Variants in PRDM5 observed in about 807,000 individuals in gnomAD.
PRDM5 encodes PR domain zinc finger protein 5.
In PRDM5, 56 loss-of-function variants were observed where a neutral mutation model predicts 81.2. The ratio of observed to expected loss-of-function variants is 0.69; its 90% CI spans 0.56 to 0.86. PRDM5 has a LOEUF of 0.86. Among genes scored for constraint, PRDM5 ranks in the 40% least tolerant of loss-of-function variants. The probability of loss-of-function intolerance (pLI) is 0.00; values close to 1 mark genes in which losing one functional copy is unlikely to be tolerated. For missense variants in PRDM5, 697 were observed against 770.1 expected (o/e 0.91, Z 1.12); for synonymous variants, 267 against 256.4 (o/e 1.04, Z -0.39).
In PRDM5 at chr4:120,807,713, T is replaced by G. The variant is rs190301158; in HGVS notation, c.945+3657A>C. ...AGGCGGTGTGTCCGGAGTTTGTTCC[T>G]TCTGAGGTTCGGATGTGTTTGGAGT... On this transcript the variant is annotated intron_variant, in intron 8 of 15. Transcript: ENST00000264808. Among the ~76,000 whole-genome samples, 97 of 152,260 alleles carry G rather than the reference T, an allele frequency of 6.4e-4. 1 individual carries two copies. The East Asian group carries it at 0.018, about 29-fold the overall frequency.
intron 2 of PRDM5, among the ~76,000 whole-genome samples, chr4:120,865,613 T>C (rs1761120300): frequency 6.6e-6 from 1 of 152,182 alleles, no homozygotes; most frequent in Non-Finnish European, 1.5e-5. Flanking sequence ...ATGGTTGGAT[T>C]TGCTCGAGGT....
chr4:120,754,703 AC>A (rs1744477102), intron 13 of PRDM5, 65 bp from the exon 14 acceptor site: 1 of 1,112,980 alleles, frequency 9.0e-7, no homozygotes, highest in Non-Finnish European at 1.4e-6. Flanking sequence ...CTGTGCTATC[AC>A]TTCTCACACA....
chr4:120,834,462 A>C (rs2149377303), intron 3 of PRDM5, among the ~76,000 whole-genome samples: 1 of 152,258 alleles, frequency 6.6e-6, no homozygotes, highest in Middle Eastern at 3.4e-3. Flanking sequence ...GACAACTGAA[A>C]CAGCAGGCAC....
At chr4:120,707,569 A>C (rs959934603) in intron 15 of PRDM5, among the ~76,000 whole-genome samples, 3 of 151,918 alleles carry the variant, frequency 2.0e-5, no homozygotes, top group African/African-American at 7.2e-5. Context: ...AAAAAAAACA[A>C]AAACAAACAA....
At chr4:120,736,199 T>TTGTGTGTG (rs57073985) in intron 14 of PRDM5, among the ~76,000 whole-genome samples, 15 of 145,246 alleles carry the variant, frequency 1.0e-4, no homozygotes, top group East Asian at 6.1e-4. Context: ...TACTATCCTT[T>TTGTGTGTG]TGTGTGTGTG....
At chr4:120,763,255 G>T (rs1224385662) in intron 13 of PRDM5, among the ~76,000 whole-genome samples, 1 of 152,108 alleles carries the variant, frequency 6.6e-6, no homozygotes, top group Non-Finnish European at 1.5e-5. Context: ...TGGATTTACT[G>T]AGGGTGAAAC....
intron 14 of PRDM5, among the ~76,000 whole-genome samples, chr4:120,752,807 A>G (rs1405541937): frequency 6.6e-6 from 1 of 152,186 alleles, no homozygotes; most frequent in Non-Finnish European, 1.5e-5. Context: ...AATCATAATA[A>G]CAGCTACCTC....
intron 13 of PRDM5, among the ~76,000 whole-genome samples, chr4:120,770,328 C>A (rs1254482308): frequency 1.3e-5 from 2 of 152,026 alleles, no homozygotes; most frequent in African/African-American, 4.8e-5. Flanking sequence ...CGCACCCGAC[C>A]CCTATTTATT....
At chr4:120,916,919 TA>T (rs552146988) in intron 1 of PRDM5, among the ~76,000 whole-genome samples, 236 of 152,350 alleles carry the variant, frequency 1.5e-3, no homozygotes, top group African/African-American at 5.4e-3. Context: ...ATTACTGCAG[TA>T]GAATCCTAAC....
At chr4:120,817,895 A>G (rs752932132) in intron 5 of PRDM5, among the ~76,000 whole-genome samples, 3 of 152,204 alleles carry the variant, frequency 2.0e-5, no homozygotes, top group Non-Finnish European at 4.4e-5. Context: ...GCTCTCAAAT[A>G]AACAGTGCTT....
chr4:120,722,344 G>C (rs843571), intron 14 of PRDM5, among the ~76,000 whole-genome samples: 71,394 of 151,584 alleles, frequency 0.47, 17,480 homozygotes, highest in East Asian at 0.67. Context: ...TGTAATCCCA[G>C]GCCTGTGTCT....
intron 15 of PRDM5, among the ~76,000 whole-genome samples, chr4:120,699,537 T>C (rs1218355480): frequency 6.6e-6 from 1 of 152,116 alleles, no homozygotes; most frequent in Non-Finnish European, 1.5e-5. Flanking sequence ...CAACATGGAA[T>C]TGGCGTTCTT....
chr4:120,891,078 A>C (rs1763992375), intron 2 of PRDM5, among the ~76,000 whole-genome samples: 2 of 152,080 alleles, frequency 1.3e-5, no homozygotes, highest in South Asian at 4.1e-4. Flanking sequence ...ATTTCCTAAA[A>C]TTTTTTGTAA....
chr4:120,791,826 T>A (rs1270432307), intron 10 of PRDM5, among the ~76,000 whole-genome samples: 1 of 152,186 alleles, frequency 6.6e-6, no homozygotes, highest in African/African-American at 2.4e-5. Flanking sequence ...GGTGGACGCT[T>A]TGTGAACTGG....
At chr4:120,895,567 C>A (rs1175552566) in intron 2 of PRDM5, 1 of 152,454 alleles carries the variant, frequency 6.6e-6, no homozygotes, top group Non-Finnish European at 1.5e-5. Flanking sequence ...CCTCTGCCCT[C>A]ATCTTCTTCA....
In PRDM5 at chr4:120,756,557, T is replaced by C. The variant is rs1158200636; in HGVS notation, c.1538-1919A>G. ...ATAGCAGTAACAGCATCAGCAGCAA[T>C]AGTAGGAGTACAGCAGGAGCTATCA... On this transcript the variant is annotated intron_variant, in intron 13 of 15. Transcript: ENST00000264808. Among the ~76,000 whole-genome samples, 5 of 152,168 alleles carry C rather than the reference T, an allele frequency of 3.3e-5. No homozygotes were observed. In the East Asian group the frequency reaches 5.8e-4, roughly 18 times the overall value.
intron 3 of PRDM5, among the ~76,000 whole-genome samples, chr4:120,852,412 T>A (rs1187568537): frequency 6.6e-6 from 1 of 152,098 alleles, no homozygotes; most frequent in African/African-American, 2.4e-5. Context: ...GTGGGCCTCA[T>A]CCAATCATGC....
At chr4:120,689,234 A>G (rs1248121722), downstream of PRDM5, among the ~76,000 whole-genome samples, 1 of 152,306 alleles carries the variant, frequency 6.6e-6, no homozygotes, top group East Asian at 1.9e-4. Flanking sequence ...ACAATTTAAT[A>G]TCCTAAATAT....
chr4:120,853,380 C>A, intron 3 of PRDM5, 38 bp downstream of exon 3: 1 of 1,613,336 alleles, frequency 6.2e-7, no homozygotes. Context: ...CATCCCCCCT[C>A]ACAGTGCATA....
Sources: allele counts gnomAD v4.1 joint callset (sites outside exome capture counted in the v4.1 genomes callset), GRCh38; gene constraint gnomAD v4.1.1; transcripts MANE v1.5; gene names NCBI Gene and HGNC (gene_info 2026-07-23, HGNC 2026-07-21).